SUPT3H: variants seen among roughly 807,000 people sequenced by gnomAD.
SUPT3H encodes the protein transcription initiation protein SPT3 homolog.
In SUPT3H, 44 loss-of-function variants were observed where a neutral mutation model predicts 44.3. That is an observed-to-expected ratio of 0.99 (90% CI 0.78 to 1.28). SUPT3H has a LOEUF of 1.28. Ranked by LOEUF, SUPT3H falls within the 50% of genes most tolerant of loss-of-function variation. The probability of loss-of-function intolerance (pLI) is 0.00; values close to 1 mark genes in which losing one functional copy is unlikely to be tolerated. For missense variants in SUPT3H, 380 were observed against 387.1 expected (o/e 0.98, Z 0.15); for synonymous variants, 124 against 125.6 (o/e 0.99, Z 0.09).
At chr6:44,893,206 C>T (rs571311415) in intron 10 of SUPT3H, among the ~76,000 whole-genome samples, 1 of 152,064 alleles carries the variant, frequency 6.6e-6, no homozygotes, top group East Asian at 1.9e-4. Flanking sequence ...TAAAGGCATT[C>T]TGGAAAAATA....
intron 10 of SUPT3H, among the ~76,000 whole-genome samples, chr6:44,882,127 TA>T (rs1778329158): frequency 6.6e-6 from 1 of 152,012 alleles, no homozygotes; most frequent in Non-Finnish European, 1.5e-5. Flanking sequence ...ATTAACAAAA[TA>T]GACTGCTAGC....
intron 10 of SUPT3H, among the ~76,000 whole-genome samples, chr6:44,927,912 TG>T (rs1769786605): frequency 6.6e-6 from 1 of 152,210 alleles, no homozygotes; most frequent in African/African-American, 2.4e-5. Flanking sequence ...TTGAGTGGAA[TG>T]GTTTCCGCTT....
At chr6:45,024,714 G>A (rs1385762569) in intron 3 of SUPT3H, among the ~76,000 whole-genome samples, 1 of 152,206 alleles carries the variant, frequency 6.6e-6, no homozygotes, top group Admixed American at 6.5e-5. Flanking sequence ...TATTCCGGGA[G>A]TGACTATGAG....
chr6:45,263,232 C>T (rs1774684291), intron 2 of SUPT3H, among the ~76,000 whole-genome samples: 1 of 152,132 alleles, frequency 6.6e-6, no homozygotes. Flanking sequence ...TGGAATCAAC[C>T]TAGATGCCCA....
intron 2 of SUPT3H, among the ~76,000 whole-genome samples, chr6:45,249,076 A>G (rs1008426124): frequency 2.4e-4 from 36 of 152,162 alleles, no homozygotes; most frequent in Non-Finnish European, 1.8e-4. Flanking sequence ...ACCACGTGAT[A>G]TCGTTTCTAA....
chr6:45,025,800 G>A (rs964749586), intron 3 of SUPT3H, among the ~76,000 whole-genome samples: 3 of 151,504 alleles, frequency 2.0e-5, no homozygotes, highest in African/African-American at 7.3e-5. Context: ...GGAGAATGGC[G>A]TGAACCCAAG....
chr6:45,064,536 C>T (rs1686391579), intron 3 of SUPT3H, among the ~76,000 whole-genome samples: 2 of 137,612 alleles, frequency 1.5e-5, no homozygotes, highest in Non-Finnish European at 3.1e-5. Flanking sequence ...AGAGTCAAGA[C>T]CCATCAGTGT....
intron 3 of SUPT3H, among the ~76,000 whole-genome samples, chr6:45,058,083 A>AT (rs921065434): frequency 1.3e-5 from 2 of 152,072 alleles, no homozygotes; most frequent in Non-Finnish European, 2.9e-5. Context: ...TGGGGTGCTT[A>AT]TTTTTTTAAC....
intron 2 of SUPT3H, among the ~76,000 whole-genome samples, chr6:45,246,236 T>C (rs1441492971): frequency 6.6e-6 from 1 of 152,174 alleles, no homozygotes; most frequent in Non-Finnish European, 1.5e-5. Context: ...TTTCACTCTC[T>C]TGACAGCGTC....
chr6:45,197,303 T>G (rs1304295399), intron 2 of SUPT3H, among the ~76,000 whole-genome samples: 1 of 151,576 alleles, frequency 6.6e-6, no homozygotes, highest in East Asian at 1.9e-4. Flanking sequence ...ATTTTTAAAA[T>G]AAATGACTCA....
intron 10 of SUPT3H, among the ~76,000 whole-genome samples, chr6:44,848,104 T>TA (rs1322698894): frequency 6.6e-6 from 1 of 151,162 alleles, no homozygotes; most frequent in African/African-American, 2.4e-5. Context: ...TAGCTGGAAT[T>TA]ACAGGTGTGT....
chr6:45,282,508 A>C (rs573599855), intron 2 of SUPT3H, among the ~76,000 whole-genome samples: 1 of 152,334 alleles, frequency 6.6e-6, no homozygotes, highest in South Asian at 2.1e-4. Context: ...CAAATGAATG[A>C]AATGAAGTGA....
Position 44,877,379 on chromosome 6 carries a change from G to C in SUPT3H, c.913-47522C>G, listed in dbSNP as rs138855097. 2.0e-3 allele frequency among the ~76,000 whole-genome samples: 290 copies of C among 148,098 alleles called. 2 individuals are homozygous for C. The highest frequency in any genetic ancestry group is 6.9e-3 in the African/African-American group (276 of 40,210). ...AGCTACTTTGGAGACTGAGGCAGCA[G>C]AATCACTTGAACCCCAGAGGCAGAG... On this transcript the variant is annotated intron_variant, in intron 10 of 10. Transcript: ENST00000371459.
chr6:45,291,329 G>C (rs1742605233), intron 2 of SUPT3H, among the ~76,000 whole-genome samples: 1 of 152,174 alleles, frequency 6.6e-6, no homozygotes, highest in Admixed American at 6.5e-5. Context: ...CTCTGACAGA[G>C]AGAAGGAACC....
chr6:44,879,630 T>C (rs1401148070), intron 10 of SUPT3H, among the ~76,000 whole-genome samples: 1 of 148,984 alleles, frequency 6.7e-6, no homozygotes, highest in Non-Finnish European at 1.5e-5. Context: ...CCTCCTGACT[T>C]GGAGACAACT....
chr6:45,263,398 A>C (rs4714848), intron 2 of SUPT3H, among the ~76,000 whole-genome samples: 3 of 152,020 alleles, frequency 2.0e-5, no homozygotes, highest in Non-Finnish European at 4.4e-5. Flanking sequence ...ACCAAATACC[A>C]TATGTTCTCA....
intron 2 of SUPT3H, among the ~76,000 whole-genome samples, chr6:45,250,417 C>T (rs1772153224): frequency 6.6e-6 from 1 of 151,012 alleles, no homozygotes; most frequent in South Asian, 2.1e-4. Flanking sequence ...AAAGCTCTTA[C>T]AAATTAAAAT....
chr6:45,157,505 G>GTA (rs1808023131), intron 2 of SUPT3H, among the ~76,000 whole-genome samples: 1 of 151,308 alleles, frequency 6.6e-6, no homozygotes, highest in South Asian at 2.1e-4. Flanking sequence ...ATACATATAT[G>GTA]TATATATATG....
intron 6 of SUPT3H, among the ~76,000 whole-genome samples, chr6:44,990,535 C>T (rs1381407777): frequency 6.6e-6 from 1 of 151,642 alleles, no homozygotes; most frequent in Non-Finnish European, 1.5e-5. Context: ...GGATATTCTT[C>T]CCCTCTAAAT....
Sources: allele counts gnomAD v4.1 joint callset (sites outside exome capture counted in the v4.1 genomes callset), GRCh38; gene constraint gnomAD v4.1.1; transcripts MANE v1.5; gene names NCBI Gene and HGNC (gene_info 2026-07-23, HGNC 2026-07-21).